The following CHP1 variants were observed in gnomAD, a reference collection of about 807,000 sequenced individuals.
CHP1 encodes calcineurin like EF-hand protein 1.
Under a neutral mutation model 27.4 loss-of-function variants are expected in CHP1, and 11 were observed. The observed-to-expected ratio is 0.40, with a 90% CI of 0.25 to 0.67. The LOEUF (loss-of-function observed/expected upper bound fraction) is 0.67. CHP1 is among the 30% of genes least tolerant of loss of function. The pLI is 0.38. For missense variants in CHP1, 169 were observed against 251.3 expected, an observed-to-expected ratio of 0.67 and a Z score of 2.22; for synonymous variants, 89 against 87.4, an observed-to-expected ratio of 1.02 and a Z score of -0.10.
intron 2 of CHP1, 106 bp from the exon 3 acceptor site, chr15:41,256,804 C>T: frequency 1.2e-6 from 1 of 860,072 alleles, no homozygotes; most frequent in Non-Finnish European, 2.0e-6. Context: ...GAAGTAAATT[C>T]CAGGAGGTAA....
rs1361387915 is a variant in CHP1, at chr15:41,268,821, G to A, written c.350-1736G>A. Among the ~76,000 whole-genome samples, 3 of 151,662 alleles carry A rather than the reference G, an allele frequency of 2.0e-5. No homozygotes were observed. The East Asian group carries it at 5.8e-4, about 29-fold the overall frequency. ...CACACACACAAAAAATTAGCCAGGCGTGGTGGTGGGCGCCTGTAGTCCCAG... is the reference window on the plus strand; with the variant it reads ...CACACACACAAAAAATTAGCCAGGCATGGTGGTGGGCGCCTGTAGTCCCAG... On this transcript the variant is annotated intron_variant, in intron 4 of 6. Coordinates refer to ENST00000334660, the MANE Select transcript of CHP1 (RefSeq NM_007236.5).
At chr15:41,269,298 T>G (rs920958072) in intron 4 of CHP1, among the ~76,000 whole-genome samples, 4 of 152,238 alleles carry the variant, frequency 2.6e-5, no homozygotes, top group African/African-American at 9.6e-5. Flanking sequence ...CTACTTCCTT[T>G]CTCTGGAATT....
chr15:41,236,583 G>A (rs1055694331), intron 1 of CHP1, among the ~76,000 whole-genome samples: 2 of 152,116 alleles, frequency 1.3e-5, no homozygotes, highest in Non-Finnish European at 2.9e-5. Context: ...GGCAAGGAGG[G>A]GATGGTGGTC....
chr15:41,267,501 A>G (rs552750336), intron 4 of CHP1, among the ~76,000 whole-genome samples: 53 of 151,996 alleles, frequency 3.5e-4, no homozygotes, highest in Middle Eastern at 3.4e-3. Context: ...GTCTCTACTA[A>G]AAATACAAAA....
chr15:41,249,024 G>A (rs1394571797), intron 2 of CHP1, among the ~76,000 whole-genome samples: 1 of 151,954 alleles, frequency 6.6e-6, no homozygotes, highest in Admixed American at 6.6e-5. Flanking sequence ...GGCCTAACTG[G>A]GAACTCTTCT....
chr15:41,238,217 G>C (rs1201324870), intron 1 of CHP1, among the ~76,000 whole-genome samples: 1 of 151,824 alleles, frequency 6.6e-6, no homozygotes, highest in Non-Finnish European at 1.5e-5. Flanking sequence ...GAGTGGAGGG[G>C]TGTGATCATA....
At chr15:41,245,492 C>G (rs1195157505) in intron 2 of CHP1, among the ~76,000 whole-genome samples, 3 of 152,122 alleles carry the variant, frequency 2.0e-5, no homozygotes, top group South Asian at 2.1e-4. Flanking sequence ...AACAAACAAA[C>G]TGACTTCTTC....
intron 2 of CHP1, among the ~76,000 whole-genome samples, chr15:41,246,460 C>T (rs1237717669): frequency 6.6e-6 from 1 of 151,284 alleles, no homozygotes; most frequent in East Asian, 2.0e-4. Flanking sequence ...GCTAGGATTA[C>T]AGGCGCATGA....
chr15:41,235,461 C>T (rs981361387), intron 1 of CHP1, among the ~76,000 whole-genome samples: 1 of 152,262 alleles, frequency 6.6e-6, no homozygotes, highest in African/African-American at 2.4e-5. Context: ...GAGGTCAAGG[C>T]TGCAGTGAGC....
At chr15:41,242,222 G>T (rs567131892) in intron 1 of CHP1, among the ~76,000 whole-genome samples, 1 of 152,224 alleles carries the variant, frequency 6.6e-6, no homozygotes, top group South Asian at 2.1e-4. Context: ...ACTCAGTGAA[G>T]CTCATGCCAT....
intron 3 of CHP1, among the ~76,000 whole-genome samples, chr15:41,261,137 TCCTTTCCTTTC>T (rs1235647353): frequency 2.9e-4 from 43 of 150,158 alleles, no homozygotes; most frequent in South Asian, 8.5e-4. Context: ...TCCTTCCTTT[TCCTTTCCTTTC>T]CCTTTCCTTT....
At position 41,279,458 on chromosome 15, in the gene CHP1, C is replaced by G; in HGVS notation, c.*69C>G. On this transcript the variant is annotated 3_prime_UTR_variant, in exon 7 of 7. Transcript: ENST00000334660. ...AACTTGAAAGTCCTCCTTCTACCAACTCCACCTCCACCCCCTCATTCCCCT... is the reference window on the plus strand; with the variant it reads ...AACTTGAAAGTCCTCCTTCTACCAAGTCCACCTCCACCCCCTCATTCCCCT... 1 of 1,235,246 alleles carries G rather than the reference C, an allele frequency of 8.1e-7. No individual in the cohort carries two copies. The highest frequency in any genetic ancestry group is 1.5e-5 in the African/African-American group (1 of 67,326). The allele number at this position is 1,235,246 out of a possible 1,614,324, so 76.5% of individuals were successfully genotyped here.
At chr15:41,240,520 G>A (rs1463723868) in intron 1 of CHP1, among the ~76,000 whole-genome samples, 2 of 152,076 alleles carry the variant, frequency 1.3e-5, no homozygotes, top group Non-Finnish European at 2.9e-5. Context: ...TTGGGAGGCC[G>A]AGGTGAGTGG....
intron 2 of CHP1, among the ~76,000 whole-genome samples, chr15:41,254,476 A>T (rs900912732): frequency 2.6e-5 from 4 of 152,236 alleles, no homozygotes; most frequent in African/African-American, 9.6e-5. Flanking sequence ...TGTATTACAG[A>T]ACAAATTATG....
At chr15:41,268,323 G>T (rs1036326202) in intron 4 of CHP1, among the ~76,000 whole-genome samples, 4 of 152,124 alleles carry the variant, frequency 2.6e-5, no homozygotes, top group African/African-American at 9.7e-5. Flanking sequence ...TTGGGAGGCT[G>T]AGGCAGGAGG....
chr15:41,256,804 CCAGGAGGTAATA>C, intron 2 of CHP1, 94 bp from the exon 3 acceptor site: 1 of 860,072 alleles, frequency 1.2e-6, no homozygotes, highest in South Asian at 1.4e-5. Context: ...GAAGTAAATT[CCAGGAGGTAATA>C]TTCTTGCTAG....
chr15:41,255,964 C>T (rs2047398455), intron 2 of CHP1, among the ~76,000 whole-genome samples: 1 of 152,104 alleles, frequency 6.6e-6, no homozygotes, highest in Non-Finnish European at 1.5e-5. Flanking sequence ...TGGCAGTGAG[C>T]CAAGACCATG....
intron 5 of CHP1, among the ~76,000 whole-genome samples, chr15:41,276,614 C>T (rs1595483805): frequency 6.6e-6 from 1 of 152,180 alleles, no homozygotes; most frequent in South Asian, 2.1e-4. Flanking sequence ...GTTAAATTCT[C>T]TTACTCAATT....
intron 2 of CHP1, among the ~76,000 whole-genome samples, chr15:41,245,258 C>T (rs1281200977): frequency 3.3e-5 from 5 of 152,048 alleles, no homozygotes; most frequent in Admixed American, 2.6e-4. Context: ...ATCAGGAGTT[C>T]GAGACCAGGC....
Sources: gnomAD v4.1 joint callset for allele counts (sites outside exome capture counted in the v4.1 genomes callset) on GRCh38, gnomAD v4.1.1 for gene constraint, MANE v1.5 for transcripts, NCBI Gene and HGNC (gene_info 2026-07-23, HGNC 2026-07-21) for gene names.